ABCB5: variants seen among roughly 807,000 people sequenced by gnomAD.
The protein encoded by ABCB5 is ATP-binding cassette sub-family B member 5.
Under a neutral mutation model 144.2 loss-of-function variants are expected in ABCB5, and 155 were observed. The observed-to-expected ratio is 1.08, with a 90% confidence interval of 0.94 to 1.23. ABCB5 has a LOEUF of 1.23. Among genes scored for constraint, ABCB5 ranks in the 50% most tolerant of loss-of-function variants. The pLI, the probability that ABCB5 is intolerant of heterozygous loss-of-function variation, is 0.00. For missense variants in ABCB5, 1,830 were observed against 1,520.8 expected, an observed-to-expected ratio of 1.20 and a Z score of -3.38; for synonymous variants, 610 against 528.6, an observed-to-expected ratio of 1.15 and a Z score of -2.11.
chr7:20,615,811 A>C lies in ABCB5; in HGVS notation c.-48A>C, dbSNP rs992483535. The C allele has an allele frequency of 2.6e-5, 4 of 152,298 alleles. No homozygotes were observed. The highest frequency in any genetic ancestry group is 4.4e-5 in the Non-Finnish European group (3 of 68,044). The allele number at this position is 152,298 out of a possible 1,614,324, so 9.4% of individuals were successfully genotyped here. A position where few individuals can be genotyped will look rare whatever the true frequency, so the allele number is the denominator to read the frequency against. On this transcript the variant is annotated 5_prime_UTR_variant, in exon 1 of 28. Coordinates refer to ENST00000404938, the MANE Select transcript of ABCB5 (RefSeq NM_001163941.2). ...GACTTCAACTGACTGGATGGGGCCC[A>C]CTCAAAACAGCATCTAAGGAATTAA...
chr7:20,756,578 G>T lies in ABCB5; in HGVS notation c.*954G>T, dbSNP rs753765075. 8 of 150,778 alleles carry T rather than the reference G, an allele frequency of 5.3e-5. No individual in the cohort carries two copies. The highest frequency in any genetic ancestry group is 1.9e-4 in the East Asian group (1 of 5,138). 9.3% of individuals were successfully genotyped at this position (150,778 alleles called of 1,614,324 possible). A position where few individuals can be genotyped will look rare whatever the true frequency, so the allele number is the denominator to read the frequency against. On this transcript the variant is annotated 3_prime_UTR_variant, in exon 28 of 28. Coordinates refer to ENST00000404938, the MANE Select transcript of ABCB5 (RefSeq NM_001163941.2). ...GAATCATTTGAACCTAGGAGGCAGA[G>T]GTTGCAGTGAGCCGAGATCTCACCA...
intron 20 of ABCB5, among the ~76,000 whole-genome samples, chr7:20,720,742 G>A (rs953317148): frequency 6.6e-6 from 1 of 151,810 alleles, no homozygotes; most frequent in East Asian, 1.9e-4. Context: ...TCAGGAGATC[G>A]AGACCATCCT....
chr7:20,688,294 G>A (rs1390438126), intron 16 of ABCB5, among the ~76,000 whole-genome samples: 2 of 152,168 alleles, frequency 1.3e-5, no homozygotes, highest in Admixed American at 6.5e-5. Context: ...GAGTTAATGG[G>A]AGTTCTATTA....
At chr7:20,722,881 A>T in intron 20 of ABCB5, 135 bp from the exon 21 acceptor site, 1 of 660,736 alleles carries the variant, frequency 1.5e-6, no homozygotes, top group Non-Finnish European at 2.5e-6. Context: ...ATCTCAAAGT[A>T]TAAATTCAAG....
intron 5 of ABCB5, among the ~76,000 whole-genome samples, chr7:20,635,335 G>A (rs561473320): frequency 6.7e-6 from 1 of 149,912 alleles, no homozygotes; most frequent in African/African-American, 2.4e-5. Flanking sequence ...ATCAGGTAGT[G>A]TGATACATCC....
At chr7:20,677,568 A>T (rs972738090) in intron 14 of ABCB5, among the ~76,000 whole-genome samples, 1 of 152,084 alleles carries the variant, frequency 6.6e-6, no homozygotes, top group Non-Finnish European at 1.5e-5. Context: ...GTCTCTACTA[A>T]AAATACAAAA....
chr7:20,671,032 C>G (rs28491716), intron 14 of ABCB5, among the ~76,000 whole-genome samples: 16,111 of 152,114 alleles, frequency 0.11, 1,160 homozygotes, highest in Middle Eastern at 0.22. Flanking sequence ...AAAGAAAGCA[C>G]TAAGCATGTT....
chr7:20,708,231 T>C (rs562959956), intron 20 of ABCB5, among the ~76,000 whole-genome samples: 5 of 152,362 alleles, frequency 3.3e-5, no homozygotes, highest in Admixed American at 3.3e-4. Flanking sequence ...GTATAATTGC[T>C]GTTTTGTCTT....
chr7:20,649,392 C>T (rs55663200), intron 11 of ABCB5, among the ~76,000 whole-genome samples: 8,562 of 152,208 alleles, frequency 0.056, 343 homozygotes, highest in South Asian at 0.14. Context: ...GAGAATTTCT[C>T]AACAGGATCA....
chr7:20,674,835 A>C (rs1231117438), intron 14 of ABCB5, among the ~76,000 whole-genome samples: 2 of 151,774 alleles, frequency 1.3e-5, no homozygotes, highest in African/African-American at 4.8e-5. Context: ...ATATAAAATC[A>C]ACATAAAAAA....
intron 14 of ABCB5, among the ~76,000 whole-genome samples, chr7:20,673,481 T>C (rs1484971925): frequency 2.6e-5 from 4 of 152,118 alleles, no homozygotes; most frequent in Non-Finnish European, 4.4e-5. Context: ...TTATGTTCTC[T>C]TGATGAATCG....
rs371353860 is a variant in ABCB5 at position 20,687,040 on chromosome 7, A to G, written c.2010+1204A>G. ...CTGCTAATTTTATTTTTTTAAGTCT[A>G]TTTAAATAAATAAGCATGCAAAGAA... On this transcript the variant is annotated intron_variant, in intron 16 of 27. Transcript: ENST00000404938. 2.0e-5 allele frequency among the ~76,000 whole-genome samples: 3 copies of G among 152,180 alleles called. No individual in the cohort carries two copies. In the South Asian group the frequency reaches 6.2e-4, roughly 32 times the overall value.
intron 14 of ABCB5, among the ~76,000 whole-genome samples, chr7:20,661,210 ATGGAGCTGGGC>A (rs1562546405): frequency 6.6e-6 from 1 of 152,270 alleles, no homozygotes; most frequent in African/African-American, 2.4e-5. Flanking sequence ...ACAAGGCTCT[ATGGAGCTGGGC>A]TCCAAGCTCC....
rs116061479 is a variant in ABCB5 at position 20,665,329 on chromosome 7, C to A, written c.1707+6653C>A. ...CCCCCTTGACAAAAAAGAAAGCATT[C>A]TCGGACCAGTGACGTGGTCTGACAG... On this transcript the variant is annotated intron_variant, in intron 14 of 27. Coordinates refer to ENST00000404938, the MANE Select transcript of ABCB5 (RefSeq NM_001163941.2). Among the ~76,000 whole-genome samples the A allele has an allele frequency of 5.1e-3, 781 of 152,226 alleles. 5 individuals carry two copies. Among genetic ancestry groups the A allele is most frequent in the African/African-American group, 0.018 (747 of 41,540 alleles).
chr7:20,711,130 T>C (rs1249160482), intron 20 of ABCB5, among the ~76,000 whole-genome samples: 4 of 127,260 alleles, frequency 3.1e-5, no homozygotes, highest in Non-Finnish European at 6.9e-5. Flanking sequence ...TCTATATATG[T>C]AATAAACCCA....
chr7:20,639,661 T>C (rs1482723145), intron 5 of ABCB5, among the ~76,000 whole-genome samples: 1 of 152,246 alleles, frequency 6.6e-6, no homozygotes, highest in Non-Finnish European at 1.5e-5. Flanking sequence ...CCAATAAATG[T>C]AGGAGTCCGT....
chr7:20,725,779 A>G (rs1782018041), intron 21 of ABCB5, among the ~76,000 whole-genome samples: 1 of 152,070 alleles, frequency 6.6e-6, no homozygotes. Context: ...TCCTCAAACA[A>G]GGTTTCAGCA....
chr7:20,661,698 C>G (rs906994744), intron 14 of ABCB5, among the ~76,000 whole-genome samples: 1 of 151,766 alleles, frequency 6.6e-6, no homozygotes, highest in African/African-American at 2.4e-5. Flanking sequence ...CCACGCCCAG[C>G]TAATTTTTGT....
At chr7:20,740,982 C>T (rs1310963986) in intron 24 of ABCB5, among the ~76,000 whole-genome samples, 1 of 151,652 alleles carries the variant, frequency 6.6e-6, no homozygotes, top group Non-Finnish European at 1.5e-5. Context: ...CAATGCCTGT[C>T]ACCCCAGCTG....
Sources: allele counts gnomAD v4.1 joint callset (sites outside exome capture counted in the v4.1 genomes callset), GRCh38; gene constraint gnomAD v4.1.1; transcripts MANE v1.5; gene names NCBI Gene and HGNC (gene_info 2026-07-23, HGNC 2026-07-21).